Variants in MFSD2A observed in about 807,000 individuals in gnomAD.
The protein encoded by MFSD2A is MFSD2 lysolipid transporter A, lysophospholipid, also known as sodium-dependent lysophosphatidylcholine symporter 1.
A neutral mutation model predicts 64.7 loss-of-function variants in MFSD2A; 27 were observed. The ratio of observed to expected loss-of-function variants is 0.42; its 90% confidence interval spans 0.31 to 0.58. MFSD2A has a LOEUF of 0.58. MFSD2A is among the 20% of genes least tolerant of loss of function. The probability of loss-of-function intolerance (pLI) is 0.18; values close to 1 mark genes in which losing one functional copy is unlikely to be tolerated. For missense variants in MFSD2A, 474 were observed against 679.5 expected (o/e 0.70, Z 3.36); for synonymous variants, 258 against 273.4 (o/e 0.94, Z 0.55).
rs1557635326 is a variant in MFSD2A, at chr1:39,964,349, T to G, written c.354-862T>G. On this transcript the variant is annotated intron_variant, in intron 3 of 13. Transcript: ENST00000372811. The surrounding 1 kb of genome is among the most constrained non-coding windows in gnomAD (Gnocchi z 4.1). ...GCGCCCAGCCCATAGCTGGAACTTA[T>G]GAGGAAATGAGGAAACGAGCTTCAG... 6.6e-6 allele frequency: 1 copy of G among 152,226 alleles called. No homozygotes were observed. Among genetic ancestry groups the G allele is most frequent in the African/African-American group, 2.4e-5 (1 of 41,472 alleles). The allele number at this position is 152,226 out of a possible 1,614,324, so 9.4% of individuals were successfully genotyped here.
intron 3 of MFSD2A, among the ~76,000 whole-genome samples, chr1:39,961,569 G>A (rs959755109): frequency 6.6e-6 from 1 of 151,746 alleles, no homozygotes; most frequent in Non-Finnish European, 1.5e-5. Context: ...AGATGGTCTC[G>A]ATCTCCTGAC....
chr1:39,961,971 A>G (rs964425797), intron 3 of MFSD2A, among the ~76,000 whole-genome samples: 3 of 152,232 alleles, frequency 2.0e-5, no homozygotes, highest in African/African-American at 7.2e-5. Flanking sequence ...TGTGGCCTGC[A>G]TTAGTTACGC....
At chr1:39,962,693 A>T in intron 3 of MFSD2A, 2 of 778,264 alleles carry the variant, frequency 2.6e-6, no homozygotes, top group Non-Finnish European at 4.4e-6. Context: ...GAAGCTGCGG[A>T]GCTTGCTGAG....
rs748272331 is a variant in MFSD2A at position 39,968,748 on chromosome 1, G to A, written c.1529+3G>A. On this transcript the variant is annotated splice_donor_region_variant and intron_variant, in intron 13 of 13. Transcript: ENST00000372811. The surrounding 1 kb of genome is among the most constrained non-coding windows in gnomAD (Gnocchi z 4.4). ...AAGAAGGCCCTGCAGGCACTGAGGT[G>A]AGTGGGGAGGGGACAGGATGCTGGA... 9 of 1,614,056 alleles carry A rather than the reference G, an allele frequency of 5.6e-6. No homozygotes were observed. In the Admixed American group the frequency reaches 1.3e-4, roughly 24 times the overall value.
Position 39,966,638 on chromosome 1 carries a change from G to C in MFSD2A, c.752G>C (p.Cys251Ser), listed in dbSNP as rs764243793. Residue 251 changes from cysteine (C) to serine (S), a missense_variant, in exon 7 of 14, where the codon TGT (cysteine) becomes TCT (serine). Transcript: ENST00000372811. ...CTGCTGGCAGCGGGGGTCATTGTCT[G>C]TATCTATATAATCTGTGCTGTCATC... Reference protein sequence around the residue: ...AYLLAAGVIVCIYIICAVILI... With the variant: ...AYLLAAGVIVSIYIICAVILI... 1 of 1,614,014 alleles carries C rather than the reference G, an allele frequency of 6.2e-7. No homozygotes were observed. Among genetic ancestry groups the C allele is most frequent in the Non-Finnish European group, 8.5e-7 (1 of 1,179,962 alleles).
rs1249369446 is a variant in MFSD2A, at chr1:39,960,315, C to T, written c.353+1490C>T. Among the ~76,000 whole-genome samples the T allele has an allele frequency of 6.6e-6, 1 of 152,252 alleles. No individual in the cohort carries two copies. Among genetic ancestry groups the T allele is most frequent in the Non-Finnish European group, 1.5e-5 (1 of 68,040 alleles). On this transcript the variant is annotated intron_variant, in intron 3 of 13. Coordinates refer to ENST00000372811, the MANE Select transcript of MFSD2A (RefSeq NM_032793.5). The surrounding 1 kb of genome is among the most constrained non-coding windows in gnomAD (Gnocchi z 4.8). ...CCCCAGGGGCGCCCATACCTGGCCT[C>T]CGGCCTTCAAAGCTCTTCCCGCAAC...
intron 3 of MFSD2A, among the ~76,000 whole-genome samples, chr1:39,961,274 C>G (rs1645034365): frequency 7.2e-6 from 1 of 138,494 alleles, no homozygotes; most frequent in Non-Finnish European, 1.5e-5. Flanking sequence ...CTGCTTTAAG[C>G]CTACATTTAA....
chr1:39,965,719 T>C lies in MFSD2A; in HGVS notation c.557-138T>C. On this transcript the variant is annotated intron_variant, in intron 5 of 13. Transcript: ENST00000372811. The surrounding 1 kb of genome is among the most constrained non-coding windows in gnomAD (Gnocchi z 5.5). ...GAGACCTGGAGAGGTGCATATGCGT[T>C]CAAACCAAGGTGTCACCTACCCCAC... 7.9e-7 allele frequency: 1 copy of C among 1,267,372 alleles called. No homozygotes were observed. 78.5% of individuals were successfully genotyped at this position (1,267,372 alleles called of 1,614,324 possible).
At chr1:39,967,736 C>G in intron 10 of MFSD2A, 25 bp downstream of exon 10, 1 of 1,612,984 alleles carries the variant, frequency 6.2e-7, no homozygotes, top group South Asian at 1.1e-5. Flanking sequence ...AGAGCAGAGC[C>G]TGGGTTGAGT....
chr1:39,962,839 T>TG (rs1204131216), intron 3 of MFSD2A: 13 of 1,513,546 alleles, frequency 8.6e-6, no homozygotes, highest in Non-Finnish European at 9.9e-6. Context: ...GACTTTTTCC[T>TG]GGGGGCCTCT....
Position 39,969,621 on chromosome 1 carries a change from G to A in MFSD2A, c.*53G>A. On this transcript the variant is annotated 3_prime_UTR_variant, in exon 14 of 14. Coordinates refer to ENST00000372811, the MANE Select transcript of MFSD2A (RefSeq NM_032793.5). ...TGCAGAAGGCCACAGAAGGGATCAG[G>A]ACCTGTCTGCCGGCTTGCTGAGCAG... 6.5e-7 allele frequency: 1 copy of A among 1,541,490 alleles called. No homozygotes were observed.
chr1:39,965,768 G>A lies in MFSD2A; in HGVS notation c.557-89G>A, dbSNP rs1645147431. The A allele has an allele frequency of 1.3e-6, 2 of 1,539,870 alleles. No individual in the cohort carries two copies. Among genetic ancestry groups the A allele is most frequent in the African/African-American group, 2.7e-5 (2 of 73,720 alleles). ...ACTACCTCTACCCACCCTGCCTGGA[G>A]CTACCGCTGGGCTCCCACCCATTTG... On this transcript the variant is annotated intron_variant, in intron 5 of 13. Coordinates refer to ENST00000372811, the MANE Select transcript of MFSD2A (RefSeq NM_032793.5). The surrounding 1 kb of genome is among the most constrained non-coding windows in gnomAD (Gnocchi z 5.5).
intron 2 of MFSD2A, 44 bp downstream of exon 2, chr1:39,957,265 T>A: frequency 6.6e-7 from 1 of 1,507,838 alleles, no homozygotes; most frequent in Non-Finnish European, 8.9e-7. Context: ...CATCCTGAGG[T>A]GGGAAAGACT....
Position 39,965,982 on chromosome 1 carries a change from C to T in MFSD2A, c.682C>T (p.His228Tyr), listed in dbSNP as rs754745190. Residue 228 changes from histidine to tyrosine, a missense_variant, in exon 6 of 14, where the codon CAT (histidine) becomes TAT (tyrosine). Transcript: ENST00000372811. This position sits in a 1 kb window ranked among gnomAD's most constrained non-coding sequence, Gnocchi z 5.5. ...TACAGTAGCTTCACAAAGTGCCAAC[C>T]ATACACATGGCACCACCTCACACAG... ...SSTVASQSAN[H>Y]THGTTSHRET... 38 of 1,614,090 alleles carry T rather than the reference C, an allele frequency of 2.4e-5. No homozygotes were observed. Among genetic ancestry groups the T allele is most frequent in the Middle Eastern group, 1.6e-4 (1 of 6,080 alleles).
chr1:39,968,812 C>A lies in MFSD2A; in HGVS notation c.1529+67C>A. On this transcript the variant is annotated intron_variant, in intron 13 of 13. Coordinates refer to ENST00000372811, the MANE Select transcript of MFSD2A (RefSeq NM_032793.5). This position sits in a 1 kb window ranked among gnomAD's most constrained non-coding sequence, Gnocchi z 4.4. ...CTGTGTCTAAACCCTCAATTTGTGT[C>A]TCCTGTGGCCAAGTCCAGACTCACC... The A allele has an allele frequency of 6.4e-7, 1 of 1,567,514 alleles. No homozygotes were observed. The highest frequency in any genetic ancestry group is 8.7e-7 in the Non-Finnish European group (1 of 1,151,512).
chr1:39,965,432 C>T lies in MFSD2A; in HGVS notation c.478-39C>T. ...GTACTGGAAGCTACATCAGTGTGTC[C>T]ACCCGCCTGACCAGCCAATGACCTG... On this transcript the variant is annotated intron_variant, in intron 4 of 13. Transcript: ENST00000372811. This position sits in a 1 kb window ranked among gnomAD's most constrained non-coding sequence, Gnocchi z 5.5. 1 of 1,613,562 alleles carries T rather than the reference C, an allele frequency of 6.2e-7. No individual in the cohort carries two copies. Among genetic ancestry groups the T allele is most frequent in the Admixed American group, 1.7e-5 (1 of 60,006 alleles).
chr1:39,968,818 T>C lies in MFSD2A; in HGVS notation c.1529+73T>C. 6.4e-7 allele frequency: 1 copy of C among 1,550,660 alleles called. No homozygotes were observed. On this transcript the variant is annotated intron_variant, in intron 13 of 13. Transcript: ENST00000372811. This position sits in a 1 kb window ranked among gnomAD's most constrained non-coding sequence, Gnocchi z 4.4. ...CTAAACCCTCAATTTGTGTCTCCTG[T>C]GGCCAAGTCCAGACTCACCCCCCAC...
chr1:39,962,614 G>C (rs1645068667), intron 3 of MFSD2A: 1 of 806,210 alleles, frequency 1.2e-6, no homozygotes, highest in East Asian at 2.7e-5. Flanking sequence ...GGGAACTCTG[G>C]TGCCTTCCGC....
At chr1:39,967,221 T>C (rs1645183008) in intron 9 of MFSD2A, 52 bp downstream of exon 9, 2 of 1,501,914 alleles carry the variant, frequency 1.3e-6, no homozygotes, top group Non-Finnish European at 1.8e-6. Context: ...TGACATAGGC[T>C]GTGGAATGGT....
Sources: allele counts gnomAD v4.1 joint callset (sites outside exome capture counted in the v4.1 genomes callset), GRCh38; gene constraint gnomAD v4.1.1; non-coding constraint Gnocchi (gnomAD v3.1); transcripts MANE v1.5; gene names NCBI Gene and HGNC (gene_info 2026-07-23, HGNC 2026-07-21).